Variants in PRDM5 observed in about 807,000 individuals in gnomAD.
The protein encoded by PRDM5 is PR domain zinc finger protein 5.
In PRDM5, 56 loss-of-function variants were observed where a neutral mutation model predicts 81.2. The observed-to-expected ratio is 0.69, with a 90% confidence interval of 0.56 to 0.86. PRDM5 has a LOEUF of 0.86. Among genes scored for constraint, PRDM5 ranks in the 40% least tolerant of loss-of-function variants. PRDM5 has a pLI of 0.00. For missense variants in PRDM5, 697 were observed against 770.1 expected (o/e 0.91, Z 1.12); for synonymous variants, 267 against 256.4 (o/e 1.04, Z -0.39).
At chr4:120,779,017 A>C (rs1318954827) in intron 12 of PRDM5, among the ~76,000 whole-genome samples, 1 of 152,182 alleles carries the variant, frequency 6.6e-6, no homozygotes, top group Non-Finnish European at 1.5e-5. Flanking sequence ...TTCCAAACAG[A>C]TAATTACTAA....
intron 2 of PRDM5, among the ~76,000 whole-genome samples, chr4:120,874,611 C>T (rs1389533083): frequency 1.3e-5 from 2 of 151,992 alleles, no homozygotes; most frequent in Non-Finnish European, 2.9e-5. Flanking sequence ...TAAATCAAAG[C>T]CAGTATGCTT....
chr4:120,880,469 A>G (rs960854637), intron 2 of PRDM5, among the ~76,000 whole-genome samples: 3 of 152,158 alleles, frequency 2.0e-5, no homozygotes, highest in African/African-American at 7.2e-5. Flanking sequence ...AATATACAAA[A>G]TTAATCTTAA....
chr4:120,848,367 C>T (rs343180), intron 3 of PRDM5, among the ~76,000 whole-genome samples: 64,266 of 151,964 alleles, frequency 0.42, 13,886 homozygotes, highest in Non-Finnish European at 0.47. Context: ...AACTTTAAGG[C>T]ATTACAACAC....
intron 2 of PRDM5, among the ~76,000 whole-genome samples, chr4:120,899,046 A>C (rs1764962886): frequency 6.6e-6 from 1 of 152,184 alleles, no homozygotes; most frequent in South Asian, 2.1e-4. Context: ...CTCCTTTTTC[A>C]TATTTCCTTA....
intron 13 of PRDM5, among the ~76,000 whole-genome samples, chr4:120,772,115 T>C (rs981066650): frequency 6.6e-6 from 1 of 152,148 alleles, no homozygotes; most frequent in South Asian, 2.1e-4. Context: ...GACTGACTCC[T>C]ATGGCAGAGG....
chr4:120,750,505 G>A (rs1189547214), intron 14 of PRDM5, among the ~76,000 whole-genome samples: 1 of 152,120 alleles, frequency 6.6e-6, no homozygotes, highest in African/African-American at 2.4e-5. Flanking sequence ...GAAGAACACA[G>A]CAGCAGCAGC....
chr4:120,840,001 G>T (rs561839368), intron 3 of PRDM5, among the ~76,000 whole-genome samples: 4 of 152,216 alleles, frequency 2.6e-5, no homozygotes, highest in Admixed American at 6.5e-5. Flanking sequence ...CAGAGTAGGC[G>T]CTGACAGCTG....
intron 8 of PRDM5, among the ~76,000 whole-genome samples, chr4:120,801,387 C>T (rs1012904655): frequency 3.3e-5 from 5 of 152,218 alleles, no homozygotes; most frequent in African/African-American, 9.6e-5. Context: ...AGGGGCAAGG[C>T]TGACAGATCC....
intron 1 of PRDM5, among the ~76,000 whole-genome samples, chr4:120,686,512 CA>C (rs1179303619): frequency 2.0e-5 from 3 of 151,990 alleles, no homozygotes; most frequent in Admixed American, 6.6e-5. Flanking sequence ...CTATTCATTT[CA>C]ATTACATATG....
intron 8 of PRDM5, among the ~76,000 whole-genome samples, chr4:120,804,663 A>C (rs1407192988): frequency 2.6e-5 from 4 of 152,244 alleles, no homozygotes; most frequent in Admixed American, 2.6e-4. Flanking sequence ...GAGAACAAAG[A>C]CACAACATAC....
chr4:120,705,677 G>T (rs1736005219), intron 15 of PRDM5, among the ~76,000 whole-genome samples: 1 of 152,156 alleles, frequency 6.6e-6, no homozygotes, highest in Non-Finnish European at 1.5e-5. Flanking sequence ...CACTCTAAAT[G>T]AGATGCACAG....
chr4:120,796,012 A>T (rs1751298255), intron 10 of PRDM5, among the ~76,000 whole-genome samples: 1 of 152,180 alleles, frequency 6.6e-6, no homozygotes, highest in Non-Finnish European at 1.5e-5. Context: ...AACCCAAAAT[A>T]ACTCAAATAA....
intron 8 of PRDM5, among the ~76,000 whole-genome samples, chr4:120,803,585 A>T (rs1752448345): frequency 6.6e-6 from 1 of 152,154 alleles, no homozygotes; most frequent in Non-Finnish European, 1.5e-5. Flanking sequence ...TCAACCCAGC[A>T]TTTCATATCC....
chr4:120,766,210 C>T (rs1396890834), intron 13 of PRDM5, among the ~76,000 whole-genome samples: 5 of 152,230 alleles, frequency 3.3e-5, no homozygotes, highest in Admixed American at 6.5e-5. Context: ...TCCCCTGCCT[C>T]GGCCTCCCAA....
chr4:120,892,306 G>A (rs1364031664), intron 2 of PRDM5, among the ~76,000 whole-genome samples: 2 of 152,134 alleles, frequency 1.3e-5, no homozygotes, highest in Non-Finnish European at 2.9e-5. Flanking sequence ...TCTGGGTGGA[G>A]AGTTCCATAG....
chr4:120,892,523 C>G (rs1159364331), intron 2 of PRDM5, among the ~76,000 whole-genome samples: 1 of 152,180 alleles, frequency 6.6e-6, no homozygotes, highest in Non-Finnish European at 1.5e-5. Flanking sequence ...CCACAGGGCT[C>G]TCTCAGGTAG....
At chr4:120,709,377 T>A (rs2149026363) in intron 15 of PRDM5, among the ~76,000 whole-genome samples, 2 of 152,304 alleles carry the variant, frequency 1.3e-5, no homozygotes, top group Middle Eastern at 3.4e-3. Context: ...GTTTCTTTCC[T>A]TAAAAGAAGT....
chr4:120,748,661 C>T (rs1024362759), intron 14 of PRDM5, among the ~76,000 whole-genome samples: 1 of 151,694 alleles, frequency 6.6e-6, no homozygotes, highest in African/African-American at 2.4e-5. Context: ...AAAAAATTCC[C>T]CAAAAGAGGA....
intron 2 of PRDM5, among the ~76,000 whole-genome samples, chr4:120,883,238 A>G (rs1468481146): frequency 6.6e-6 from 1 of 152,212 alleles, no homozygotes; most frequent in Non-Finnish European, 1.5e-5. Flanking sequence ...TAGAAGGTAC[A>G]ATAAAGATCA....
Sources: gnomAD v4.1 joint callset for allele counts (sites outside exome capture counted in the v4.1 genomes callset) on GRCh38, gnomAD v4.1.1 for gene constraint, MANE v1.5 for transcripts, NCBI Gene and HGNC (gene_info 2026-07-23, HGNC 2026-07-21) for gene names.